Variants in PCDHGA3 observed in about 807,000 individuals in gnomAD.
PCDHGA3 encodes protocadherin gamma-A3.
A neutral mutation model predicts 58.5 loss-of-function variants in PCDHGA3; 40 were observed. The ratio of observed to expected loss-of-function variants is 0.68; its 90% CI spans 0.53 to 0.89. The LOEUF is 0.89. Ranked by LOEUF, PCDHGA3 falls within the 40% of genes least tolerant of loss-of-function variation. The pLI is 0.00. For missense variants in PCDHGA3, 1,223 were observed against 1,195.9 expected, an observed-to-expected ratio of 1.02 and a Z score of -0.33; for synonymous variants, 530 against 525.7, an observed-to-expected ratio of 1.01 and a Z score of -0.11.
At chr5:141,351,298 G>A (rs370335375) in intron 1 of PCDHGA3, 3 of 1,613,822 alleles carry the variant, frequency 1.9e-6, no homozygotes, top group Non-Finnish European at 2.5e-6. Flanking sequence ...TGACATTCAT[G>A]TCCTTCTCTA....
At chr5:141,370,904 C>T in intron 1 of PCDHGA3, 4 of 1,614,034 alleles carry the variant, frequency 2.5e-6, no homozygotes, top group Non-Finnish European at 3.4e-6. Context: ...TGCAGCAGTA[C>T]TACCTCAGCC....
In PCDHGA3 at chr5:141,432,059, A is replaced by G. The variant is rs752124614; in HGVS notation, c.2425-62748A>G. The stretch of plus-strand genomic sequence containing the variant: ...TGACCGGGGAACCCCGCCCCTATCC[A>G]CGGAAACTCATATCTCGCTGAACGT... On this transcript the variant is annotated intron_variant, in intron 1 of 3. Coordinates refer to ENST00000253812, the MANE Select transcript of PCDHGA3 (RefSeq NM_018916.4). The surrounding 1 kb of genome is among the most constrained non-coding windows in gnomAD (Gnocchi z 6.0). 17 of 1,614,052 alleles carry G rather than the reference A, an allele frequency of 1.1e-5. No individual in the cohort carries two copies. The highest frequency in any genetic ancestry group is 1.3e-5 in the African/African-American group (1 of 74,918).
At chr5:141,409,821 C>T in intron 1 of PCDHGA3, 1 of 1,610,940 alleles carries the variant, frequency 6.2e-7, no homozygotes, top group Non-Finnish European at 8.5e-7. Flanking sequence ...CACGGCTCGC[C>T]CACGCTCAGC....
chr5:141,375,800 A>C, intron 1 of PCDHGA3: 1 of 1,614,162 alleles, frequency 6.2e-7, no homozygotes, highest in Non-Finnish European at 8.5e-7. Context: ...AGACGGTTCC[A>C]CTGGCGTGGA....
At chr5:141,359,313 G>A (rs766981687) in intron 1 of PCDHGA3, among the ~76,000 whole-genome samples, 9 of 152,032 alleles carry the variant, frequency 5.9e-5, no homozygotes, top group Admixed American at 5.2e-4. Flanking sequence ...TCAGGTGTTG[G>A]CATTAGGAAT....
chr5:141,357,577 A>G (rs1202708968), intron 1 of PCDHGA3: 6 of 1,614,078 alleles, frequency 3.7e-6, no homozygotes, highest in Non-Finnish European at 5.1e-6. Flanking sequence ...GCCTCTTCTG[A>G]TAACTCAGGA....
rs138745923 is a variant in PCDHGA3, at chr5:141,420,954, A to C, written c.2425-73853A>C. On this transcript the variant is annotated intron_variant, in intron 1 of 3. Transcript: ENST00000253812. ...GTAATCATTTCTTCTGGAATTTCTTAGTCGTTGCAATAATAAGAATGGGCT... is the reference window on the plus strand; with the variant it reads ...GTAATCATTTCTTCTGGAATTTCTTCGTCGTTGCAATAATAAGAATGGGCT... 3.9e-3 allele frequency: 1,621 copies of C among 412,482 alleles called. 10 individuals are homozygous for C. The highest frequency in any genetic ancestry group is 0.01 in the Admixed American group (249 of 24,550). The allele number at this position is 412,482 out of a possible 1,614,324, so 25.6% of individuals were successfully genotyped here.
chr5:141,385,048 C>T (rs1015626472), intron 1 of PCDHGA3: 6 of 1,614,150 alleles, frequency 3.7e-6, no homozygotes, highest in Non-Finnish European at 3.4e-6. Flanking sequence ...GCTCAGGCTG[C>T]GGCGCTGGCA....
At chr5:141,352,818 G>C in intron 1 of PCDHGA3, 3 of 812,672 alleles carry the variant, frequency 3.7e-6, no homozygotes, top group South Asian at 3.7e-5. Flanking sequence ...GGTAAAACCC[G>C]GTCTACTAAA....
At chr5:141,469,372 C>G (rs780872014) in intron 1 of PCDHGA3, among the ~76,000 whole-genome samples, 5 of 151,990 alleles carry the variant, frequency 3.3e-5, no homozygotes, top group Non-Finnish European at 5.9e-5. Flanking sequence ...GTAAAGAGAT[C>G]GAGACCATCC....
At position 141,431,270 on chromosome 5, in the gene PCDHGA3, G is replaced by C. The variant is rs369177310; in HGVS notation, c.2425-63537G>C. 1.2e-5 allele frequency: 19 copies of C among 1,613,996 alleles called. No homozygotes were observed. Among genetic ancestry groups the C allele is most frequent in the Non-Finnish European group, 1.5e-5 (18 of 1,180,018 alleles). ...CGGGAAGAACTCTCTGCAGAGCTAC[G>C]AGCTCAGCCCGAACACTCACTTCTC... is the stretch of plus-strand genomic sequence containing the variant. On this transcript the variant is annotated intron_variant, in intron 1 of 3. Coordinates refer to ENST00000253812, the MANE Select transcript of PCDHGA3 (RefSeq NM_018916.4). This position sits in a 1 kb window ranked among gnomAD's most constrained non-coding sequence, Gnocchi z 4.8.
At chr5:141,409,792 C>T in intron 1 of PCDHGA3, 1 of 1,612,068 alleles carries the variant, frequency 6.2e-7, no homozygotes, top group African/African-American at 1.3e-5. Flanking sequence ...CCTTCGCGCT[C>T]ACGCTGCAGG....
At chr5:141,405,257 A>T (rs747554046) in intron 1 of PCDHGA3, 2 of 1,613,954 alleles carry the variant, frequency 1.2e-6, no homozygotes, top group Non-Finnish European at 1.7e-6. Flanking sequence ...GAGTCACCTG[A>T]TCTTCCCCCA....
chr5:141,465,312 A>G (rs2099100692), intron 1 of PCDHGA3, among the ~76,000 whole-genome samples: 1 of 152,314 alleles, frequency 6.6e-6, no homozygotes, highest in South Asian at 2.1e-4. Flanking sequence ...GAATTTAGCC[A>G]TGTCAATGCA....
intron 1 of PCDHGA3, among the ~76,000 whole-genome samples, chr5:141,347,868 G>A (rs1758030852): frequency 6.6e-6 from 1 of 152,050 alleles, no homozygotes; most frequent in Non-Finnish European, 1.5e-5. Flanking sequence ...ATGCTTATGT[G>A]TGTATTCATT....
chr5:141,456,020 C>T (rs2098840631), intron 1 of PCDHGA3, among the ~76,000 whole-genome samples: 1 of 151,834 alleles, frequency 6.6e-6, no homozygotes, highest in South Asian at 2.1e-4. Flanking sequence ...GCCTCAGCCT[C>T]CCGAGTAGCT....
At chr5:141,399,348 C>G (rs1287526689) in intron 1 of PCDHGA3, 1 of 1,613,940 alleles carries the variant, frequency 6.2e-7, no homozygotes, top group Non-Finnish European at 8.5e-7. Flanking sequence ...GAACCCTAGA[C>G]CGAGAGCAAA....
chr5:141,490,942 C>G lies in PCDHGA3; in HGVS notation c.2425-3865C>G. 1 of 1,613,644 alleles carries G rather than the reference C, an allele frequency of 6.2e-7. No individual in the cohort carries two copies. Among genetic ancestry groups the G allele is most frequent in the Non-Finnish European group, 8.5e-7 (1 of 1,179,760 alleles). On this transcript the variant is annotated intron_variant, in intron 1 of 3. Transcript: ENST00000253812. This position sits in a 1 kb window ranked among gnomAD's most constrained non-coding sequence, Gnocchi z 5.4. ...TAATGCCCCAGCTGTGCTGCACCCA[C>G]GGCCAGACTGGGAACACTCAGCCCC...
intron 1 of PCDHGA3, chr5:141,350,233 G>T: frequency 6.7e-7 from 1 of 1,502,698 alleles, no homozygotes; most frequent in Non-Finnish European, 8.9e-7. Context: ...CATCCCAGAG[G>T]AAAGAAGCTC....
Sources: gnomAD v4.1 joint callset for allele counts (sites outside exome capture counted in the v4.1 genomes callset) on GRCh38, gnomAD v4.1.1 for gene constraint, Gnocchi (gnomAD v3.1) non-coding constraint, MANE v1.5 for transcripts, NCBI Gene and HGNC (gene_info 2026-07-23, HGNC 2026-07-21) for gene names.